ERI3: variants seen among roughly 807,000 people sequenced by gnomAD.
ERI3 encodes the protein ERI1 exoribonuclease family member 3.
In ERI3, 18 loss-of-function variants were observed where a neutral mutation model predicts 44.4. That is an observed-to-expected ratio of 0.41 (90% CI 0.28 to 0.60). The LOEUF (loss-of-function observed/expected upper bound fraction) is 0.60, where lower values mean the gene tolerates loss of function less well. Ranked by LOEUF, ERI3 falls within the 20% of genes least tolerant of loss-of-function variation. ERI3 has a pLI of 0.36. For missense variants in ERI3, 294 were observed against 435.5 expected, an observed-to-expected ratio of 0.68 and a Z score of 2.89; for synonymous variants, 183 against 164.8, an observed-to-expected ratio of 1.11 and a Z score of -0.84.
intron 1 of ERI3, chr1:44,354,144 C>T (rs1646950050): frequency 1.0e-6 from 1 of 985,348 alleles, no homozygotes; most frequent in African/African-American, 1.7e-5. Context: ...TAGCCACTCA[C>T]AACCTACTAT....
chr1:44,324,658 G>A (rs1646271919), intron 3 of ERI3, among the ~76,000 whole-genome samples: 1 of 151,658 alleles, frequency 6.6e-6, no homozygotes, highest in Non-Finnish European at 1.5e-5. Flanking sequence ...ATTTTTTTGT[G>A]CATTTAGTAG....
chr1:44,310,963 GCACACACACACACACA>G (rs58344074), intron 5 of ERI3, among the ~76,000 whole-genome samples: 2,813 of 123,278 alleles, frequency 0.023, 82 homozygotes, highest in Admixed American at 0.041. Flanking sequence ...GCGCGCGCGC[GCACACACACACACACA>G]CACACACACA....
chr1:44,338,036 A>C (rs551994613), intron 3 of ERI3, among the ~76,000 whole-genome samples: 1 of 152,194 alleles, frequency 6.6e-6, no homozygotes, highest in African/African-American at 2.4e-5. Flanking sequence ...CAAACACCAC[A>C]TACTTCAATA....
At position 44,271,106 on chromosome 1, in the gene ERI3, G is replaced by A. The variant is rs190986355; in HGVS notation, c.831+13729C>T. Among the ~76,000 whole-genome samples, 144 of 152,192 alleles carry A rather than the reference G, an allele frequency of 9.5e-4. 1 individual carries two copies. The highest frequency in any genetic ancestry group is 3.4e-3 in the Middle Eastern group (1 of 294). On this transcript the variant is annotated intron_variant, in intron 7 of 8. Coordinates refer to ENST00000372257, the MANE Select transcript of ERI3 (RefSeq NM_024066.3). ...CCCTCTTCCCTTCATGCACACAAAC[G>A]TGGCAGTTTTCTGGAGCTACTGTAC...
At chr1:44,303,163 C>T (rs1237855312) in intron 6 of ERI3, among the ~76,000 whole-genome samples, 2 of 152,236 alleles carry the variant, frequency 1.3e-5, no homozygotes, top group African/African-American at 4.8e-5. Flanking sequence ...CCAAGCTCCT[C>T]CTCCCTGGCC....
At chr1:44,310,941 T>C (rs1253108069) in intron 5 of ERI3, among the ~76,000 whole-genome samples, 1 of 144,440 alleles carries the variant, frequency 6.9e-6, no homozygotes. Context: ...TCCTTGCATG[T>C]ATGTGCACAT....
At chr1:44,239,045 C>T (rs1644375303) in intron 8 of ERI3, among the ~76,000 whole-genome samples, 1 of 150,034 alleles carries the variant, frequency 6.7e-6, no homozygotes, top group Admixed American at 6.6e-5. Flanking sequence ...CCCCCCAATC[C>T]AGCTTCCTCC....
rs376225076 is a variant in ERI3 at position 44,354,904 on chromosome 1, C to T, written c.123G>A (p.Gly41=). 3 of 1,317,524 alleles carry T rather than the reference C, an allele frequency of 2.3e-6. No homozygotes were observed. The highest frequency in any genetic ancestry group is 2.9e-6 in the Non-Finnish European group (3 of 1,024,532). The allele number at this position is 1,317,524 out of a possible 1,614,324, so 81.6% of individuals were successfully genotyped here. Residue 41 remains glycine, a synonymous_variant, in exon 1 of 9, where the codon GGG becomes GGA. Coordinates refer to ENST00000372257, the MANE Select transcript of ERI3 (RefSeq NM_024066.3). The part of the protein sequence containing the change: ...LPWTWMGPSW[G]QHPGHWGFPA... ...CAGCATCACCCACCCCGGGGTGTTG[C>T]CCCCAACTCGGGCCCATCCAAGTCC...
At chr1:44,307,799 A>G (rs1333620515) in intron 6 of ERI3, among the ~76,000 whole-genome samples, 1 of 152,230 alleles carries the variant, frequency 6.6e-6, no homozygotes, top group Non-Finnish European at 1.5e-5. Flanking sequence ...AAGGGGCAGC[A>G]TAGTATAATA....
intron 1 of ERI3, 40 bp downstream of exon 1, chr1:44,354,852 C>T (rs774568349): frequency 2.1e-5 from 27 of 1,314,506 alleles, no homozygotes; most frequent in Non-Finnish European, 2.4e-5. Context: ...CATGCATTAA[C>T]CAGGGCCCAA....
In ERI3 at chr1:44,264,735, A is replaced by G. The variant is rs552306972; in HGVS notation, c.832-16697T>C. ...AGCCTTCCAAATCAGCTGATTATGG[A>G]ACAAACCTATTAAAAGCCTAGATTT... On this transcript the variant is annotated intron_variant, in intron 7 of 8. Coordinates refer to ENST00000372257, the MANE Select transcript of ERI3 (RefSeq NM_024066.3). Among the ~76,000 whole-genome samples the G allele has an allele frequency of 4.6e-5, 7 of 152,272 alleles. No individual in the cohort carries two copies. In the East Asian group the frequency reaches 1.4e-3, roughly 29 times the overall value.
chr1:44,247,884 ACGCGGG>A, intron 8 of ERI3, 49 bp downstream of exon 8: 1 of 1,432,880 alleles, frequency 7.0e-7, no homozygotes, highest in Non-Finnish European at 9.7e-7. Flanking sequence ...GGACTGGGGC[ACGCGGG>A]CAAGGGACGA....
chr1:44,327,094 C>G (rs1433266185), intron 3 of ERI3, among the ~76,000 whole-genome samples: 1 of 152,156 alleles, frequency 6.6e-6, no homozygotes, highest in Admixed American at 6.5e-5. Flanking sequence ...TGAAGCTGAC[C>G]CTTCAAGGGC....
At chr1:44,292,294 A>C (rs1477976992) in intron 6 of ERI3, among the ~76,000 whole-genome samples, 3 of 152,130 alleles carry the variant, frequency 2.0e-5, no homozygotes, top group Non-Finnish European at 4.4e-5. Flanking sequence ...TGAATAGAGG[A>C]AGCACCTTGG....
chr1:44,290,900 G>A (rs951129835), intron 6 of ERI3, among the ~76,000 whole-genome samples: 2 of 152,158 alleles, frequency 1.3e-5, no homozygotes, highest in African/African-American at 4.8e-5. Context: ...ATGACCAAGG[G>A]GAGGGAAGGA....
At chr1:44,264,559 T>C (rs1164009003) in intron 7 of ERI3, among the ~76,000 whole-genome samples, 10 of 152,236 alleles carry the variant, frequency 6.6e-5, no homozygotes, top group African/African-American at 1.7e-4. Flanking sequence ...GGCGCGTGCA[T>C]AGGCAATGAA....
chr1:44,283,241 G>A (rs1038164209), intron 7 of ERI3, among the ~76,000 whole-genome samples: 10 of 152,138 alleles, frequency 6.6e-5, no homozygotes, highest in African/African-American at 1.9e-4. Context: ...AGATGAATCC[G>A]TCAGCCAGCA....
At chr1:44,229,856 T>C (rs1473106607) in intron 8 of ERI3, among the ~76,000 whole-genome samples, 1 of 152,088 alleles carries the variant, frequency 6.6e-6, no homozygotes, top group Non-Finnish European at 1.5e-5. Flanking sequence ...TTCCTCAGGC[T>C]CTTGGGAAGG....
rs769332763 is a variant in ERI3, at chr1:44,281,588, G to GAA, written c.831+3245_831+3246dup. 2.6e-3 allele frequency among the ~76,000 whole-genome samples: 272 copies of GAA among 103,792 alleles called. 3 individuals carry two copies. The highest frequency in any genetic ancestry group is 4.3e-3 in the African/African-American group (115 of 26,822). The allele number at this position is 103,792 out of a possible 152,430, so 68.1% of individuals were successfully genotyped here. On this transcript the variant is annotated intron_variant, in intron 7 of 8. Coordinates refer to ENST00000372257, the MANE Select transcript of ERI3 (RefSeq NM_024066.3). ...GGGTGACAGAGTGAGACCCCGTCTCGAAAAAAAAAAAAAATATATATATAT... is the reference window on the plus strand; with the variant it reads ...GGGTGACAGAGTGAGACCCCGTCTCGAAAAAAAAAAAAAAAATATATATATAT...
Sources: allele counts gnomAD v4.1 joint callset (sites outside exome capture counted in the v4.1 genomes callset), GRCh38; gene constraint gnomAD v4.1.1; transcripts MANE v1.5; gene names NCBI Gene and HGNC (gene_info 2026-07-23, HGNC 2026-07-21).